Variants in FGF14 observed in about 807,000 individuals in gnomAD.
FGF14 encodes fibroblast growth factor homologous factor 4.
FGF14 carries 5 observed loss-of-function variants against 25.5 expected under a neutral mutation model. The ratio of observed to expected loss-of-function variants is 0.20; its 90% CI spans 0.10 to 0.41. The LOEUF is 0.41. Ranked by LOEUF, FGF14 falls within the 10% of genes least tolerant of loss-of-function variation. The probability of loss-of-function intolerance (pLI) is 1.00; values close to 1 mark genes in which losing one functional copy is unlikely to be tolerated. For synonymous variants in FGF14, 138 were observed against 118.3 expected (o/e 1.17, Z -1.08); for missense variants, 222 against 320.1 (o/e 0.69, Z 2.34).
intron 1 of FGF14, among the ~76,000 whole-genome samples, chr13:102,345,289 A>C (rs1342784032): frequency 6.6e-6 from 1 of 152,220 alleles, no homozygotes; most frequent in African/African-American, 2.4e-5. Flanking sequence ...CAAACAAGAA[A>C]TAGCAAGCAC....
chr13:101,748,147 T>TA (rs1004444158), intron 3 of FGF14, among the ~76,000 whole-genome samples: 1 of 151,314 alleles, frequency 6.6e-6, no homozygotes, highest in African/African-American at 2.4e-5. Context: ...AATTATTCTA[T>TA]AAAAAAAAGA....
chr13:101,870,412 G>A (rs950122687), intron 2 of FGF14, among the ~76,000 whole-genome samples: 2 of 151,928 alleles, frequency 1.3e-5, no homozygotes, highest in Non-Finnish European at 2.9e-5. Flanking sequence ...TCCACGCAAG[G>A]TACACTAACT....
intron 1 of FGF14, among the ~76,000 whole-genome samples, chr13:102,086,525 G>A (rs1157116437): frequency 1.3e-5 from 2 of 151,318 alleles, no homozygotes; most frequent in African/African-American, 2.5e-5. Flanking sequence ...GAGAGACTCC[G>A]TCTCAAAAAA....
intron 3 of FGF14, among the ~76,000 whole-genome samples, chr13:101,772,715 T>C (rs1381328487): frequency 6.6e-6 from 1 of 152,122 alleles, no homozygotes; most frequent in South Asian, 2.1e-4. Flanking sequence ...CCACAAATTC[T>C]TCAAGTTCAA....
intron 1 of FGF14, among the ~76,000 whole-genome samples, chr13:101,895,774 A>T (rs1372468996): frequency 6.6e-6 from 1 of 152,220 alleles, no homozygotes; most frequent in Non-Finnish European, 1.5e-5. Context: ...TGTGAGAGTT[A>T]TATGGAGTGC....
intron 1 of FGF14, among the ~76,000 whole-genome samples, chr13:102,011,749 A>T (rs555823847): frequency 6.6e-6 from 1 of 152,280 alleles, no homozygotes; most frequent in African/African-American, 2.4e-5. Flanking sequence ...AGAAGTGCAA[A>T]GTCTCCGGTC....
At chr13:102,380,226 G>GAATGTCATGA (rs1490054872) in intron 1 of FGF14, among the ~76,000 whole-genome samples, 5 of 151,948 alleles carry the variant, frequency 3.3e-5, no homozygotes, top group African/African-American at 1.2e-4. Flanking sequence ...ACATTCCATG[G>GAATGTCATGA]AACTGACATA....
intron 1 of FGF14, among the ~76,000 whole-genome samples, chr13:102,185,116 C>A (rs1333829235): frequency 6.6e-6 from 1 of 152,046 alleles, no homozygotes; most frequent in Non-Finnish European, 1.5e-5. Context: ...TAAGAAATTA[C>A]TATTGCTGGA....
chr13:101,883,366 T>C (rs1436000614), intron 1 of FGF14, among the ~76,000 whole-genome samples: 1 of 152,220 alleles, frequency 6.6e-6, no homozygotes, highest in Non-Finnish European at 1.5e-5. Flanking sequence ...ACATTTTACA[T>C]TGGAAAACAG....
At chr13:102,178,657 G>A (rs549185981) in intron 1 of FGF14, among the ~76,000 whole-genome samples, 7 of 152,060 alleles carry the variant, frequency 4.6e-5, no homozygotes, top group South Asian at 4.1e-4. Flanking sequence ...TATTTGTTTC[G>A]GAGTTATTTC....
At chr13:101,779,480 C>T (rs965338805) in intron 3 of FGF14, among the ~76,000 whole-genome samples, 7 of 152,004 alleles carry the variant, frequency 4.6e-5, no homozygotes, top group Admixed American at 4.6e-4. Flanking sequence ...GACTAAGGCA[C>T]GTTTCCAAGA....
intron 1 of FGF14, among the ~76,000 whole-genome samples, chr13:101,950,881 AG>A (rs1027174251): frequency 6.6e-6 from 1 of 152,058 alleles, no homozygotes; most frequent in Admixed American, 6.6e-5. Flanking sequence ...ACAAACAAAA[AG>A]GGGTTACTTT....
At chr13:101,757,611 T>C (rs1372027767) in intron 3 of FGF14, among the ~76,000 whole-genome samples, 2 of 152,198 alleles carry the variant, frequency 1.3e-5, no homozygotes, top group Non-Finnish European at 2.9e-5. Context: ...GCCCTTACTT[T>C]ATATGCACCC....
In FGF14 at chr13:101,855,007, A is replaced by T. The variant is rs375902926; in HGVS notation, c.408+13718T>A. ...GTACCCTTCCCATTGTGTAGGAAAGACTTTGTCTTATTAGTTCATGATTAT... is the reference window on the plus strand; with the variant it reads ...GTACCCTTCCCATTGTGTAGGAAAGTCTTTGTCTTATTAGTTCATGATTAT... On this transcript the variant is annotated intron_variant, in intron 3 of 4. Coordinates refer to ENST00000376143, the MANE Select transcript of FGF14 (RefSeq NM_004115.4). Among the ~76,000 whole-genome samples, 3 of 152,100 alleles carry T rather than the reference A, an allele frequency of 2.0e-5. No homozygotes were observed. In the East Asian group the frequency reaches 5.8e-4, roughly 29 times the overall value.
At chr13:101,810,532 T>A (rs939285965) in intron 3 of FGF14, among the ~76,000 whole-genome samples, 2 of 152,178 alleles carry the variant, frequency 1.3e-5, no homozygotes, top group Non-Finnish European at 2.9e-5. Context: ...GTCATGCTTC[T>A]TAGAGATCTC....
chr13:102,342,748 C>T (rs763852489), intron 1 of FGF14, among the ~76,000 whole-genome samples: 1 of 152,070 alleles, frequency 6.6e-6, no homozygotes, highest in African/African-American at 2.4e-5. Context: ...CTATATGCTT[C>T]CTACAAAATT....
chr13:102,299,985 C>T (rs2054944267), intron 1 of FGF14: 1 of 152,126 alleles, frequency 6.6e-6, no homozygotes, highest in Non-Finnish European at 1.5e-5. Flanking sequence ...ATGTGTATTT[C>T]ATCATTCGTG....
At chr13:102,385,246 G>GA (rs2058274620) in intron 1 of FGF14, among the ~76,000 whole-genome samples, 1 of 152,136 alleles carries the variant, frequency 6.6e-6, no homozygotes, top group African/African-American at 2.4e-5. Flanking sequence ...CTAGTATACA[G>GA]AAAAATCATG....
intron 1 of FGF14, among the ~76,000 whole-genome samples, chr13:102,181,218 T>C (rs1426862806): frequency 6.6e-6 from 1 of 152,156 alleles, no homozygotes; most frequent in East Asian, 1.9e-4. Flanking sequence ...TTCTTATTAT[T>C]AAATGCAGTA....
Sources: gnomAD v4.1 joint callset for allele counts (sites outside exome capture counted in the v4.1 genomes callset) on GRCh38, gnomAD v4.1.1 for gene constraint, MANE v1.5 for transcripts, NCBI Gene and HGNC (gene_info 2026-07-23, HGNC 2026-07-21) for gene names.